The following DIAPH2 variants were observed in gnomAD, a reference collection of about 807,000 sequenced individuals.
DIAPH2 encodes the protein protein diaphanous homolog 2.
DIAPH2 carries 35 observed loss-of-function variants against 92.7 expected under a neutral mutation model. The observed-to-expected ratio is 0.38, with a 90% CI of 0.29 to 0.50. DIAPH2 has a LOEUF of 0.50. Among genes scored for constraint, DIAPH2 ranks in the 20% least tolerant of loss-of-function variants. DIAPH2 has a pLI of 0.94. For missense variants in DIAPH2, 701 were observed against 819.5 expected, an observed-to-expected ratio of 0.86 and a Z score of 1.77; for synonymous variants, 301 against 280.4, an observed-to-expected ratio of 1.07 and a Z score of -0.73.
intron 19 of DIAPH2, among the ~76,000 whole-genome samples, chrX:97,078,184 G>C (rs1454249895): frequency 1.8e-5 from 2 of 111,729 alleles, no homozygotes; most frequent in African/African-American, 6.5e-5. Context: ...TTCTATTTGA[G>C]ATCCTTAGTG....
chrX:96,924,980 T>G, intron 9 of DIAPH2, among the ~76,000 whole-genome samples: 1 of 111,141 alleles, frequency 9.0e-6, no homozygotes, highest in Middle Eastern at 4.2e-3. Flanking sequence ...TCACCTATGT[T>G]TCATTTAAAT....
At chrX:96,836,867 A>ACAGGC (rs1481426965) in intron 4 of DIAPH2, among the ~76,000 whole-genome samples, 2 of 97,989 alleles carry the variant, frequency 2.0e-5, no homozygotes, top group Admixed American at 1.1e-4. Context: ...AGCTGGGACT[A>ACAGGC]CAGGCGCCCG....
intron 24 of DIAPH2, among the ~76,000 whole-genome samples, chrX:97,374,835 C>A (rs767585426): frequency 8.9e-6 from 1 of 111,791 alleles, no homozygotes; most frequent in South Asian, 3.7e-4. Flanking sequence ...TCTAAAGACT[C>A]ATTTCCACCA....
chrX:97,423,284 A>G (rs760424089), intron 25 of DIAPH2, among the ~76,000 whole-genome samples: 1 of 111,909 alleles, frequency 8.9e-6, no homozygotes, highest in Non-Finnish European at 1.9e-5. Flanking sequence ...CCTTGAAAAG[A>G]TAGTACAGAA....
chrX:96,831,995 G>A (rs1160052069), intron 4 of DIAPH2, among the ~76,000 whole-genome samples: 1 of 111,465 alleles, frequency 9.0e-6, no homozygotes, highest in Non-Finnish European at 1.9e-5. Flanking sequence ...TAACTTCAAG[G>A]AGTAGGAAAG....
In DIAPH2 at chrX:96,964,660, A is replaced by G. The variant is rs766723460; in HGVS notation, c.1936-433A>G. Among the ~76,000 whole-genome samples, 89 of 111,612 alleles carry G rather than the reference A, an allele frequency of 8.0e-4. No individual in the cohort carries two copies. In the Middle Eastern group the frequency reaches 0.014, roughly 17 times the overall value. On this transcript the variant is annotated intron_variant, in intron 16 of 26. Coordinates refer to ENST00000324765, the MANE Select transcript of DIAPH2 (RefSeq NM_006729.5). ...AGTTAATATATGCAAATAACTTAAG[A>G]CAGTACCTGACACAACGTAGGAGGC...
intron 26 of DIAPH2, among the ~76,000 whole-genome samples, chrX:97,458,545 C>G (rs956157725): frequency 9.0e-6 from 1 of 110,848 alleles, no homozygotes; most frequent in African/African-American, 3.3e-5. Context: ...TTAGATAAAC[C>G]AAGCCACTCT....
At chrX:96,749,145 A>AAT (rs56745873) in intron 3 of DIAPH2, among the ~76,000 whole-genome samples, 12 of 79,748 alleles carry the variant, frequency 1.5e-4, no homozygotes, top group Non-Finnish European at 2.2e-4. Context: ...AAAAAAAAAA[A>AAT]ATATATATAT....
chrX:97,486,485 T>C (rs148821921), intron 26 of DIAPH2, among the ~76,000 whole-genome samples: 1,653 of 112,102 alleles, frequency 0.015, 16 homozygotes, highest in Middle Eastern at 0.028. Context: ...AGTATATATG[T>C]TACAAATGAC....
chrX:97,229,813 T>C (rs1350189819), intron 22 of DIAPH2, among the ~76,000 whole-genome samples: 1 of 76,711 alleles, frequency 1.3e-5, no homozygotes, highest in Non-Finnish European at 3.0e-5. Flanking sequence ...AATATATTGT[T>C]ATTATATATA....
chrX:97,009,735 T>G (rs1048618175), intron 17 of DIAPH2, among the ~76,000 whole-genome samples: 19 of 112,155 alleles, frequency 1.7e-4, no homozygotes, highest in Admixed American at 4.7e-4. Context: ...ATCTGGTAGT[T>G]AGGGTCTGCA....
intron 23 of DIAPH2, among the ~76,000 whole-genome samples, chrX:97,334,420 G>C (rs1232317365): frequency 1.0e-5 from 1 of 96,486 alleles, no homozygotes; most frequent in Non-Finnish European, 2.0e-5. Flanking sequence ...CCGAGATCGC[G>C]CCACTGCACT....
chrX:96,898,280 A>G (rs1467344425), intron 5 of DIAPH2, among the ~76,000 whole-genome samples: 1 of 102,637 alleles, frequency 9.7e-6, no homozygotes, highest in Non-Finnish European at 2.0e-5. Context: ...TTCTAGTTCT[A>G]GATCCCTGAG....
chrX:96,928,478 T>A (rs1202754178), intron 9 of DIAPH2, among the ~76,000 whole-genome samples: 3 of 111,490 alleles, frequency 2.7e-5, no homozygotes, highest in Non-Finnish European at 5.7e-5. Context: ...CAGTTTTGAA[T>A]TTGAGATATC....
Position 96,820,055 on chromosome X carries a change from C to T in DIAPH2, c.448-61524C>T, listed in dbSNP as rs1056243563. Among the ~76,000 whole-genome samples, 3 of 112,038 alleles carry T rather than the reference C, an allele frequency of 2.7e-5. 1 individual carries two copies. The highest frequency in any genetic ancestry group is 7.5e-4 in the South Asian group (2 of 2,678). ...ATTTCCATGGCCTTATTTGCTGTGG[C>T]AGTAAGAGAGATAAATAGGCCAAAT... On this transcript the variant is annotated intron_variant, in intron 4 of 26. Transcript: ENST00000324765.
intron 17 of DIAPH2, among the ~76,000 whole-genome samples, chrX:96,991,539 G>T (rs1565829): frequency 0.43 from 37,929 of 87,202 alleles, 6,636 homozygotes; most frequent in South Asian, 0.61. Context: ...GTTTTATGGT[G>T]TTTTTTTTTT....
At chrX:97,041,992 T>C (rs192479917) in intron 17 of DIAPH2, among the ~76,000 whole-genome samples, 5 of 111,594 alleles carry the variant, frequency 4.5e-5, no homozygotes, top group African/African-American at 1.6e-4. Flanking sequence ...AGTATATTAT[T>C]TGAAGCTAGA....
chrX:97,239,860 T>TCTCTTTC (rs2068078473), intron 22 of DIAPH2, among the ~76,000 whole-genome samples: 2 of 70,342 alleles, frequency 2.8e-5, no homozygotes, highest in African/African-American at 9.8e-5. Context: ...CTCTCTCTCT[T>TCTCTTTC]TCTCTCTCTC....
intron 4 of DIAPH2, among the ~76,000 whole-genome samples, chrX:96,867,851 G>A (rs964976443): frequency 9.0e-6 from 1 of 111,569 alleles, no homozygotes; most frequent in Admixed American, 9.6e-5. Context: ...TTTCAAATAT[G>A]TCAGTGTTAA....
Sources: gnomAD v4.1 joint callset for allele counts (sites outside exome capture counted in the v4.1 genomes callset) on GRCh38, gnomAD v4.1.1 for gene constraint, MANE v1.5 for transcripts, NCBI Gene and HGNC (gene_info 2026-07-23, HGNC 2026-07-21) for gene names.